LRRN4CL: variants seen among roughly 807,000 people sequenced by gnomAD.
LRRN4CL encodes LRRN4 C-terminal-like protein.
For missense variants in LRRN4CL, 348 were observed against 336.4 expected, an observed-to-expected ratio of 1.03 and a Z score of -0.27; for synonymous variants, 156 against 154.1, an observed-to-expected ratio of 1.01 and a Z score of -0.09.
chr11:62,688,501 C>T lies in LRRN4CL; in HGVS notation c.8G>A (p.Gly3Asp). The T allele has an allele frequency of 6.3e-7, 1 of 1,595,006 alleles. No individual in the cohort carries two copies. The highest frequency in any genetic ancestry group is 2.2e-5 in the East Asian group (1 of 44,832). The change falls in exon 2 of 2, where the codon GGC (glycine) becomes GAC (aspartate). Residue 3 changes from glycine (G) to aspartate (D), a missense_variant. Transcript: ENST00000317449. ML[G>D]SPCLLWLLAV... ...CAGGAGCCACAGAAGGCAGGGAGAG[C>T]CCAGCATGGAGACTGGAAGGGAAGG... is the stretch of plus-strand genomic sequence containing the variant.
intron 1 of LRRN4CL, 105 bp from the exon 2 acceptor site, chr11:62,688,618 A>G: frequency 1.2e-6 from 1 of 842,284 alleles, no homozygotes. Context: ...ACTGGGGATC[A>G]GAAGAGGAAA....
intron 1 of LRRN4CL, among the ~76,000 whole-genome samples, chr11:62,688,986 G>C (rs1353412218): frequency 1.3e-5 from 2 of 151,516 alleles, no homozygotes; most frequent in East Asian, 3.9e-4. Flanking sequence ...AACCAGCTGG[G>C]GCAACACAGA....
At chr11:62,688,636 G>T in intron 1 of LRRN4CL, 123 bp from the exon 2 acceptor site, 1 of 747,906 alleles carries the variant, frequency 1.3e-6, no homozygotes, top group Non-Finnish European at 2.1e-6. Flanking sequence ...AAAGAAGTTG[G>T]AATGAGGCAG....
Position 62,687,901 on chromosome 11 carries a change from C to T in LRRN4CL, c.608G>A (p.Gly203Asp). The T allele has an allele frequency of 3.3e-6, 5 of 1,497,536 alleles. No individual in the cohort carries two copies. Among genetic ancestry groups the T allele is most frequent in the Non-Finnish European group, 4.4e-6 (5 of 1,125,722 alleles). The allele number at this position is 1,497,536 out of a possible 1,614,324, so 92.8% of individuals were successfully genotyped here. The change falls in exon 2 of 2, where the codon GGC becomes GAC. Residue 203 changes from glycine to aspartate, a missense_variant. By Grantham distance (94) the Gly-to-Asp change is moderately conservative (BLOSUM62 -1). Transcript: ENST00000317449. ...RTLVHAAVGV[G>D]TALALLSCAA... ...ACAGCTTAGCAGGGCCAGGGCCGTG[C>T]CCACCCCGACGGCCGCGTGGACCAG...
Position 62,687,620 on chromosome 11 carries a change from A to C in LRRN4CL, c.*172T>G. ...AACAAAGCGCCAAGTACCGGACCTA[A>C]ACAAGCGCTCAGTCCTGAGAACCAT... On this transcript the variant is annotated 3_prime_UTR_variant, in exon 2 of 2. Coordinates refer to ENST00000317449, the MANE Select transcript of LRRN4CL (RefSeq NM_203422.4). The C allele has an allele frequency of 2.0e-6, 1 of 495,184 alleles. No individual in the cohort carries two copies. The highest frequency in any genetic ancestry group is 3.2e-6 in the Non-Finnish European group (1 of 308,430). The allele number at this position is 495,184 out of a possible 1,614,324, so 30.7% of individuals were successfully genotyped here. A position where few individuals can be genotyped will look rare whatever the true frequency, so the allele number is the denominator to read the frequency against.
chr11:62,688,945 G>A (rs917673782), intron 1 of LRRN4CL, among the ~76,000 whole-genome samples: 2 of 152,130 alleles, frequency 1.3e-5, no homozygotes, highest in Non-Finnish European at 2.9e-5. Context: ...GGGAAGTCAA[G>A]GCAAGAGGAT....
In LRRN4CL at chr11:62,688,594, G is replaced by A. The variant is rs1005576882; in HGVS notation, c.-5-81C>T. 7.0e-6 allele frequency: 8 copies of A among 1,136,020 alleles called. No individual in the cohort carries two copies. The African/African-American group carries it at 1.1e-4, about 16-fold the overall frequency. 70.4% of individuals were successfully genotyped at this position (1,136,020 alleles called of 1,614,324 possible). On this transcript the variant is annotated intron_variant, in intron 1 of 1. Coordinates refer to ENST00000317449, the MANE Select transcript of LRRN4CL (RefSeq NM_203422.4). ...CCTCTGCCTGGACACAATCTCTGGA[G>A]ACAGGAAAATGCAACTGGGGATCAG...
chr11:62,688,544 T>G, intron 1 of LRRN4CL, 31 bp from the exon 2 acceptor site: 2 of 1,521,990 alleles, frequency 1.3e-6, no homozygotes, highest in South Asian at 2.4e-5. Flanking sequence ...AGATAAAGCC[T>G]GTTCAGCCCA....
In LRRN4CL at chr11:62,687,571, T is replaced by C; in HGVS notation, c.*221A>G. 1 of 410,128 alleles carries C rather than the reference T, an allele frequency of 2.4e-6. No homozygotes were observed. The highest frequency in any genetic ancestry group is 4.2e-6 in the Non-Finnish European group (1 of 237,100). 25.4% of individuals were successfully genotyped at this position (410,128 alleles called of 1,614,324 possible). A position where few individuals can be genotyped will look rare whatever the true frequency, so the allele number is the denominator to read the frequency against. Reference sequence around the variant, plus strand: ...AAAAAAAATTGGGGGCCCCTTTCTATTCCTTCCCAGACCTCAGCCAGGAAA... The same window carrying C: ...AAAAAAAATTGGGGGCCCCTTTCTACTCCTTCCCAGACCTCAGCCAGGAAA... On this transcript the variant is annotated 3_prime_UTR_variant, in exon 2 of 2. Coordinates refer to ENST00000317449, the MANE Select transcript of LRRN4CL (RefSeq NM_203422.4).
Position 62,688,313 on chromosome 11 carries a change from C to T in LRRN4CL, c.196G>A (p.Val66Ile). 3.1e-6 allele frequency: 5 copies of T among 1,609,270 alleles called. No individual in the cohort carries two copies. The highest frequency in any genetic ancestry group is 4.2e-6 in the Non-Finnish European group (5 of 1,179,602). The change falls in exon 2 of 2, where the codon GTC becomes ATC. Residue 66 changes from valine to isoleucine, a missense_variant. Physicochemically the swap from Val to Ile is conservative, Grantham distance 29 (BLOSUM62 3). Transcript: ENST00000317449. ...LQVPCKELQR[V>I]GPAACLCPGL... is the part of the protein sequence containing the mutation. Reference sequence around the variant, plus strand: ...GGGCACAGGCAGGCCGCCGGCCCGACCCTCTGTAGCTCCTTGCAGGGCACC... The same window carrying T: ...GGGCACAGGCAGGCCGCCGGCCCGATCCTCTGTAGCTCCTTGCAGGGCACC...
rs1236456930 is a variant in LRRN4CL at position 62,687,134 on chromosome 11, A to C, written c.*658T>G. ...TCTCTACTAAAAAAACACAAAAATT[A>C]GCCGGGCATGGTGGTGGGCGCCTGT... On this transcript the variant is annotated 3_prime_UTR_variant, in exon 2 of 2. Transcript: ENST00000317449. 4 of 152,076 alleles carry C rather than the reference A, an allele frequency of 2.6e-5. No individual in the cohort carries two copies. Among genetic ancestry groups the C allele is most frequent in the Non-Finnish European group, 5.9e-5 (4 of 68,028 alleles). The allele number at this position is 152,076 out of a possible 1,614,324, so 9.4% of individuals were successfully genotyped here.
Position 62,688,510 on chromosome 11 carries a change from G to A in LRRN4CL, c.-2C>T. ...CAGAAGGCAGGGAGAGCCCAGCATGGAGACTGGAAGGGAAGGGGTGGATAG... is the reference window on the plus strand; with the variant it reads ...CAGAAGGCAGGGAGAGCCCAGCATGAAGACTGGAAGGGAAGGGGTGGATAG... On this transcript the variant is annotated 5_prime_UTR_variant, in exon 2 of 2. Coordinates refer to ENST00000317449, the MANE Select transcript of LRRN4CL (RefSeq NM_203422.4). 1 of 1,592,062 alleles carries A rather than the reference G, an allele frequency of 6.3e-7. No homozygotes were observed. Among genetic ancestry groups the A allele is most frequent in the Non-Finnish European group, 8.5e-7 (1 of 1,176,378 alleles).
In LRRN4CL at chr11:62,686,808, C is replaced by T. The variant is rs943628423; in HGVS notation, c.*984G>A. The T allele has an allele frequency of 6.6e-6, 1 of 152,404 alleles. No individual in the cohort carries two copies. Among genetic ancestry groups the T allele is most frequent in the Non-Finnish European group, 1.5e-5 (1 of 68,148 alleles). 9.4% of individuals were successfully genotyped at this position (152,404 alleles called of 1,614,324 possible). On this transcript the variant is annotated 3_prime_UTR_variant, in exon 2 of 2. Coordinates refer to ENST00000317449, the MANE Select transcript of LRRN4CL (RefSeq NM_203422.4). ...GCCTCAGCCTCCGGAGTAGCTGGGACTACAGGTACCCACCACCATGCCCGG... is the reference window on the plus strand; with the variant it reads ...GCCTCAGCCTCCGGAGTAGCTGGGATTACAGGTACCCACCACCATGCCCGG...
In LRRN4CL at chr11:62,688,107, C is replaced by G. The variant is rs781735716; in HGVS notation, c.402G>C (p.Thr134=). The G allele has an allele frequency of 1.2e-6, 2 of 1,612,618 alleles. No homozygotes were observed. The change falls in exon 2 of 2, where the codon ACG becomes ACC. Residue 134 remains threonine, a synonymous_variant. Coordinates refer to ENST00000317449, the MANE Select transcript of LRRN4CL (RefSeq NM_203422.4). ...AAQKGPPLNA[T]VRRAELKGLK... Reference sequence around the variant, plus strand: ...GCCCCTTCAGTTCGGCTCTGCGGACCGTAGCGTTCAGCGGGGGCCCCTTCT... The same window carrying G: ...GCCCCTTCAGTTCGGCTCTGCGGACGGTAGCGTTCAGCGGGGGCCCCTTCT...
At position 62,688,530 on chromosome 11, in the gene LRRN4CL, GGATA is replaced by G. The variant is rs1379288027; in HGVS notation, c.-5-21_-5-18del. ...GCATGGAGACTGGAAGGGAAGGGGT[GGATA>G]GATAAAGCCTGTTCAGCCCAAAAGC... On this transcript the variant is annotated intron_variant, in intron 1 of 1. Transcript: ENST00000317449. 1.3e-6 allele frequency: 2 copies of G among 1,571,074 alleles called. No homozygotes were observed. Among genetic ancestry groups the G allele is most frequent in the East Asian group, 2.2e-5 (1 of 44,520 alleles).
rs748469565 is a variant in LRRN4CL, at chr11:62,688,032, G to A, written c.477C>T (p.Ala159=). The A allele has an allele frequency of 1.2e-6, 2 of 1,612,444 alleles. No individual in the cohort carries two copies. Among genetic ancestry groups the A allele is most frequent in the Non-Finnish European group, 1.7e-6 (2 of 1,179,832 alleles). ...CAGCCTGGGGCACGCGGCTTGCCCCGGCCTCGTTAGCGGCCACTACGCAAA... is the reference window on the plus strand; with the variant it reads ...CAGCCTGGGGCACGCGGCTTGCCCCAGCCTCGTTAGCGGCCACTACGCAAA... ...YVVCVVAANE[A]GASRVPQAGG... The change falls in exon 2 of 2, where the codon GCC becomes GCT. Residue 159 remains alanine (A), a synonymous_variant. Transcript: ENST00000317449.
At chr11:62,689,050 A>G (rs545712226) in intron 1 of LRRN4CL, among the ~76,000 whole-genome samples, 1 of 152,300 alleles carries the variant, frequency 6.6e-6, no homozygotes, top group East Asian at 1.9e-4. Flanking sequence ...TAAAAAGTTA[A>G]AAAACATTAA....
At position 62,688,126 on chromosome 11, in the gene LRRN4CL, CCCT is replaced by C. The variant is rs760765719; in HGVS notation, c.380_382del (p.Lys127_Gly128delinsArg). On this transcript the variant is annotated inframe_deletion, in exon 2 of 2. Transcript: ENST00000317449. ...GCGGACCGTAGCGTTCAGCGGGGGCCCCTTCTGCGCAGCCTCGCTGCCGTCCCA... is the reference window on the plus strand; with the variant it reads ...GCGGACCGTAGCGTTCAGCGGGGGCCTCTGCGCAGCCTCGCTGCCGTCCCA... The C allele has an allele frequency of 1.9e-6, 3 of 1,612,320 alleles. No individual in the cohort carries two copies. Among genetic ancestry groups the C allele is most frequent in the Admixed American group, 1.7e-5 (1 of 59,968 alleles).
At position 62,688,131 on chromosome 11, in the gene LRRN4CL, C is replaced by A. The variant is rs1945220820; in HGVS notation, c.378G>T (p.Gln126His). The change falls in exon 2 of 2, where the codon CAG (glutamine) becomes CAT (histidine). Residue 126 changes from glutamine (Q) to histidine (H), a missense_variant. Coordinates refer to ENST00000317449, the MANE Select transcript of LRRN4CL (RefSeq NM_203422.4). ...CCGTAGCGTTCAGCGGGGGCCCCTT[C>A]TGCGCAGCCTCGCTGCCGTCCCAAA... ...LLLWDGSEAA[Q>H]KGPPLNATVR... is the part of the protein sequence containing the mutation. 6.2e-7 allele frequency: 1 copy of A among 1,612,426 alleles called. No homozygotes were observed. The highest frequency in any genetic ancestry group is 1.7e-5 in the Admixed American group (1 of 59,994).
Sources: allele counts gnomAD v4.1 joint callset (sites outside exome capture counted in the v4.1 genomes callset), GRCh38; gene constraint gnomAD v4.1.1; transcripts MANE v1.5; gene names NCBI Gene and HGNC (gene_info 2026-07-23, HGNC 2026-07-21).